The following CHST8 variants were observed in gnomAD, a reference collection of about 807,000 sequenced individuals.
CHST8 encodes the protein carbohydrate sulfotransferase 8.
A neutral mutation model predicts 15.0 loss-of-function variants in CHST8; 10 were observed. The ratio of observed to expected loss-of-function variants is 0.67; its 90% CI spans 0.41 to 1.13. The LOEUF is 1.13. CHST8 is among the 50% of genes most tolerant of loss of function. The probability of loss-of-function intolerance (pLI) is 0.00; values close to 1 mark genes in which losing one functional copy is unlikely to be tolerated. For synonymous variants in CHST8, 259 were observed against 256.6 expected, an observed-to-expected ratio of 1.01 and a Z score of -0.09; for missense variants, 634 against 608.2, an observed-to-expected ratio of 1.04 and a Z score of -0.45.
chr19:33,658,519 T>C (rs1972542166), intron 1 of CHST8, among the ~76,000 whole-genome samples: 2 of 152,228 alleles, frequency 1.3e-5, no homozygotes, highest in South Asian at 2.1e-4. Context: ...AAAATGTCTT[T>C]ATTTTGCCCT....
chr19:33,700,860 G>A (rs1377822033), intron 3 of CHST8, among the ~76,000 whole-genome samples: 1 of 152,206 alleles, frequency 6.6e-6, no homozygotes, highest in Non-Finnish European at 1.5e-5. Context: ...ATAGATTGCA[G>A]TGTGAAGGGT....
At chr19:33,761,296 A>T (rs1352111462) in intron 3 of CHST8, among the ~76,000 whole-genome samples, 1 of 151,856 alleles carries the variant, frequency 6.6e-6, no homozygotes, top group Non-Finnish European at 1.5e-5. Context: ...TGAGGCCAGG[A>T]GTTGCTGGGC....
At chr19:33,712,739 G>A (rs1973581246) in intron 3 of CHST8, among the ~76,000 whole-genome samples, 1 of 152,154 alleles carries the variant, frequency 6.6e-6, no homozygotes, top group South Asian at 2.1e-4. Context: ...TCTATCCTGA[G>A]TAGGGGCTGA....
At chr19:33,640,745 C>T (rs938281637) in intron 1 of CHST8, among the ~76,000 whole-genome samples, 1 of 152,172 alleles carries the variant, frequency 6.6e-6, no homozygotes, top group African/African-American at 2.4e-5. Context: ...CATCTCTGGC[C>T]CTTCCTGGGT....
chr19:33,746,758 T>C (rs1397132641), intron 3 of CHST8, among the ~76,000 whole-genome samples: 1 of 152,112 alleles, frequency 6.6e-6, no homozygotes, highest in Admixed American at 6.5e-5. Context: ...CTTCACTCCA[T>C]TCCAGCGTCA....
chr19:33,739,387 C>A (rs993632110), intron 3 of CHST8, among the ~76,000 whole-genome samples: 2 of 152,190 alleles, frequency 1.3e-5, no homozygotes, highest in African/African-American at 2.4e-5. Context: ...CCTTCCTCCC[C>A]CTTCATCAGG....
intron 3 of CHST8, among the ~76,000 whole-genome samples, chr19:33,727,744 G>A (rs1263092367): frequency 6.6e-6 from 1 of 152,262 alleles, no homozygotes. Flanking sequence ...GTGACCAGGT[G>A]CCAAGTGGAT....
intron 3 of CHST8, among the ~76,000 whole-genome samples, chr19:33,695,025 A>G (rs1473871472): frequency 6.6e-6 from 1 of 151,434 alleles, no homozygotes; most frequent in East Asian, 1.9e-4. Flanking sequence ...TTGCCATGAA[A>G]GCTCACTGCA....
intron 3 of CHST8, among the ~76,000 whole-genome samples, chr19:33,751,659 G>A (rs1974423734): frequency 6.6e-6 from 1 of 152,212 alleles, no homozygotes; most frequent in Admixed American, 6.5e-5. Context: ...AGTGGTTACA[G>A]CAAGGACATG....
chr19:33,715,246 C>T (rs1568339806), intron 3 of CHST8, among the ~76,000 whole-genome samples: 1 of 152,190 alleles, frequency 6.6e-6, no homozygotes, highest in Non-Finnish European at 1.5e-5. Context: ...CCAGAAGCTC[C>T]CAATCCCCTC....
intron 1 of CHST8, among the ~76,000 whole-genome samples, chr19:33,660,930 G>C (rs2091856420): frequency 6.6e-6 from 1 of 152,120 alleles, no homozygotes; most frequent in Non-Finnish European, 1.5e-5. Context: ...ACCCTCCCAG[G>C]CTAGGCCCCA....
intron 1 of CHST8, among the ~76,000 whole-genome samples, chr19:33,656,081 A>G (rs1412492987): frequency 1.3e-5 from 2 of 152,180 alleles, no homozygotes; most frequent in Admixed American, 6.5e-5. Flanking sequence ...TCATTAGCAT[A>G]ATTTTTTGTA....
intron 2 of CHST8, among the ~76,000 whole-genome samples, chr19:33,670,580 T>G (rs1249268764): frequency 6.6e-6 from 1 of 152,180 alleles, no homozygotes; most frequent in Non-Finnish European, 1.5e-5. Context: ...TTTTCCCTTC[T>G]TGATGAATGC....
intron 3 of CHST8, among the ~76,000 whole-genome samples, chr19:33,733,858 GGCCCACACACCATCATAACTGCA>G (rs1481341427): frequency 1.3e-5 from 2 of 152,146 alleles, no homozygotes; most frequent in Non-Finnish European, 2.9e-5. Context: ...CTTTCTCAAC[GGCCCACACACCATCATAACTGCA>G]GCCTGCTGCA....
intron 2 of CHST8, among the ~76,000 whole-genome samples, chr19:33,668,867 C>T (rs1972697961): frequency 6.6e-6 from 1 of 151,950 alleles, no homozygotes; most frequent in Admixed American, 6.5e-5. Context: ...CTGTGGTTCC[C>T]ATCACGGGTC....
intron 3 of CHST8, among the ~76,000 whole-genome samples, chr19:33,706,102 C>T (rs539107559): frequency 5.9e-5 from 9 of 152,286 alleles, no homozygotes; most frequent in African/African-American, 2.2e-4. Flanking sequence ...AACTAAAACC[C>T]GGTTCCTCAG....
chr19:33,753,497 C>T lies in CHST8; in HGVS notation c.131-17916C>T, dbSNP rs1286111399. On this transcript the variant is annotated intron_variant, in intron 3 of 4. Coordinates refer to ENST00000650847, the MANE Select transcript of CHST8 (RefSeq NM_001127895.2). ...CCCACCCACCATCCTCCTACCATCC[C>T]CCCTCCATCCTCCACCATCCCCCAT... 3.1e-5 allele frequency among the ~76,000 whole-genome samples: 3 copies of T among 96,306 alleles called. No homozygotes were observed. In the East Asian group the frequency reaches 9.6e-4, roughly 31 times the overall value. The allele number at this position is 96,306 out of a possible 152,430, so 63.2% of individuals were successfully genotyped here.
chr19:33,699,520 C>G (rs1973290467), intron 3 of CHST8, among the ~76,000 whole-genome samples: 1 of 152,132 alleles, frequency 6.6e-6, no homozygotes, highest in African/African-American at 2.4e-5. Flanking sequence ...GAGGTGCTGA[C>G]CTCCAATGGA....
intron 1 of CHST8, among the ~76,000 whole-genome samples, chr19:33,630,327 C>T (rs1290508154): frequency 4.6e-5 from 7 of 152,238 alleles, no homozygotes; most frequent in African/African-American, 1.7e-4. Flanking sequence ...AGGTACTGAG[C>T]GATTGCTTGT....
Sources: allele counts gnomAD v4.1 joint callset (sites outside exome capture counted in the v4.1 genomes callset), GRCh38; gene constraint gnomAD v4.1.1; transcripts MANE v1.5; gene names NCBI Gene and HGNC (gene_info 2026-07-23, HGNC 2026-07-21).